The following VSIG10 variants were observed in gnomAD, a reference collection of about 807,000 sequenced individuals.
VSIG10 encodes the protein V-set and immunoglobulin domain containing 10, also known as V-set and immunoglobulin domain-containing protein 10.
Under a neutral mutation model 58.7 loss-of-function variants are expected in VSIG10, and 48 were observed. The ratio of observed to expected loss-of-function variants is 0.82; its 90% CI spans 0.65 to 1.04. VSIG10 has a LOEUF of 1.04. Among genes scored for constraint, VSIG10 ranks in the 50% least tolerant of loss-of-function variants. The probability of loss-of-function intolerance (pLI) is 0.00; values close to 1 mark genes in which losing one functional copy is unlikely to be tolerated. For synonymous variants in VSIG10, 260 were observed against 267.1 expected, an observed-to-expected ratio of 0.97 and a Z score of 0.26; for missense variants, 628 against 670.0, an observed-to-expected ratio of 0.94 and a Z score of 0.69.
At chr12:118,102,245 C>T (rs1354212405) in intron 1 of VSIG10, 1 of 152,206 alleles carries the variant, frequency 6.6e-6, no homozygotes, top group African/African-American at 2.4e-5. Context: ...TGGTGTTCAT[C>T]GTGCAGGAAA....
At chr12:118,068,698 TAATA>T in intron 7 of VSIG10, 101 bp from the exon 8 acceptor site, 1 of 1,361,724 alleles carries the variant, frequency 7.3e-7, no homozygotes, top group Admixed American at 2.9e-5. Context: ...ACCCCATTAG[TAATA>T]TGGAAAATTA....
chr12:118,069,191 G>C (rs1386706863), intron 7 of VSIG10, among the ~76,000 whole-genome samples: 2 of 152,032 alleles, frequency 1.3e-5, no homozygotes, highest in African/African-American at 2.4e-5. Context: ...CTGGGTGCAA[G>C]CAATTCTCCT....
rs529363304 is a variant in VSIG10, at chr12:118,091,058, C to T, written c.361+4475G>A. The stretch of plus-strand genomic sequence containing the variant: ...GCTGAGGCATGAGAATCACTTGAAC[C>T]CGGGAAGCAGAGGTTGCAGTGAGCC... On this transcript the variant is annotated intron_variant, in intron 2 of 8. Coordinates refer to ENST00000359236, the MANE Select transcript of VSIG10 (RefSeq NM_019086.6). Among the ~76,000 whole-genome samples the T allele has an allele frequency of 2.6e-5, 4 of 151,980 alleles. No homozygotes were observed. The East Asian group carries it at 7.7e-4, about 29-fold the overall frequency.
chr12:118,071,387 C>G lies in VSIG10; in HGVS notation c.1302G>C (p.Leu434Phe). 1 of 1,613,832 alleles carries G rather than the reference C, an allele frequency of 6.2e-7. No homozygotes were observed. Among genetic ancestry groups the G allele is most frequent in the Non-Finnish European group, 8.5e-7 (1 of 1,179,820 alleles). ...TCCAGCAGAACACAGGGCTATAATGCAACAGAAGCCCTGAGATAATGGCCA... is the reference window on the plus strand; with the variant it reads ...TCCAGCAGAACACAGGGCTATAATGGAACAGAAGCCCTGAGATAATGGCCA... ...LGLAIISGLL[L>F]HYSPVFCWKV... The change falls in exon 6 of 9, where the codon TTG becomes TTC. Residue 434 changes from leucine (L) to phenylalanine (F), a missense_variant. Transcript: ENST00000359236.
intron 2 of VSIG10, among the ~76,000 whole-genome samples, chr12:118,088,544 C>T (rs952558942): frequency 1.4e-4 from 22 of 152,126 alleles, no homozygotes; most frequent in African/African-American, 5.1e-4. Context: ...TCCGAAATAC[C>T]ACTGCCATCC....
chr12:118,094,936 ACT>A (rs2033404133), intron 2 of VSIG10, among the ~76,000 whole-genome samples: 1 of 103,598 alleles, frequency 9.7e-6, no homozygotes, highest in Non-Finnish European at 1.9e-5. Flanking sequence ...ACGGAGTCTC[ACT>A]CTGTTGCCAG....
At chr12:118,088,481 A>G (rs970813584) in intron 2 of VSIG10, among the ~76,000 whole-genome samples, 2 of 152,322 alleles carry the variant, frequency 1.3e-5, no homozygotes, top group African/African-American at 4.8e-5. Flanking sequence ...CCAAGGTCAC[A>G]CAGACAACAA....
At position 118,071,037 on chromosome 12, in the gene VSIG10, C is replaced by G. The variant is rs749800128; in HGVS notation, c.1346+15G>C. On this transcript the variant is annotated intron_variant, in intron 7 of 8. Coordinates refer to ENST00000359236, the MANE Select transcript of VSIG10 (RefSeq NM_019086.6). The stretch of plus-strand genomic sequence containing the variant: ...GCGGGAATGGGTGTTTGGTTTGATT[C>G]TAGGGAACACTCACCTGGAAGTGTT... 2 of 1,601,002 alleles carry G rather than the reference C, an allele frequency of 1.2e-6. No homozygotes were observed. The highest frequency in any genetic ancestry group is 3.5e-5 in the Admixed American group (2 of 57,906).
intron 2 of VSIG10, among the ~76,000 whole-genome samples, chr12:118,094,627 G>A (rs1422445241): frequency 6.6e-6 from 1 of 151,912 alleles, no homozygotes; most frequent in Non-Finnish European, 1.5e-5. Flanking sequence ...TGGGTGATCT[G>A]CCCACTTGAC....
At chr12:118,082,995 C>G (rs979277561) in intron 2 of VSIG10, among the ~76,000 whole-genome samples, 9 of 151,298 alleles carry the variant, frequency 5.9e-5, no homozygotes, top group Admixed American at 4.6e-4. Flanking sequence ...TGCCTGTAAT[C>G]CCAGCTACTA....
At chr12:118,091,259 G>A (rs1182062732) in intron 2 of VSIG10, among the ~76,000 whole-genome samples, 3 of 152,138 alleles carry the variant, frequency 2.0e-5, no homozygotes, top group African/African-American at 4.8e-5. Flanking sequence ...TTGGGAGGTC[G>A]AGGCAGGCGG....
At chr12:118,068,317 G>T in intron 8 of VSIG10, 60 bp downstream of exon 8, 2 of 1,564,316 alleles carry the variant, frequency 1.3e-6, no homozygotes, top group Non-Finnish European at 1.7e-6. Context: ...TTATAGGCGT[G>T]AGCCAACGCG....
chr12:118,103,926 C>A lies in VSIG10; in HGVS notation c.-255G>T. The stretch of plus-strand genomic sequence containing the variant: ...GAGGGAGGGCGCACCCCGCCCCCTG[C>A]GCCCGCCAGCCTACTCCTGCCGGCG... On this transcript the variant is annotated 5_prime_UTR_variant, in exon 1 of 9. Coordinates refer to ENST00000359236, the MANE Select transcript of VSIG10 (RefSeq NM_019086.6). 1 of 391,972 alleles carries A rather than the reference C, an allele frequency of 2.6e-6. No individual in the cohort carries two copies. The highest frequency in any genetic ancestry group is 6.7e-4 in the Middle Eastern group (1 of 1,500). The allele number at this position is 391,972 out of a possible 1,614,324, so 24.3% of individuals were successfully genotyped here.
At chr12:118,076,612 TAC>T (rs2032737497) in intron 4 of VSIG10, among the ~76,000 whole-genome samples, 1 of 151,670 alleles carries the variant, frequency 6.6e-6, no homozygotes, top group South Asian at 2.1e-4. Flanking sequence ...GTGCTGGGAT[TAC>T]AGTCATGAGC....
At chr12:118,082,805 CAT>C (rs1566167452) in intron 2 of VSIG10, among the ~76,000 whole-genome samples, 2 of 148,052 alleles carry the variant, frequency 1.4e-5, no homozygotes, top group Non-Finnish European at 3.0e-5. Flanking sequence ...AGTGAGACCC[CAT>C]TTCTACAAAA....
Position 118,064,249 on chromosome 12 carries a change from AT to A in VSIG10, c.*2389del, listed in dbSNP as rs2032172203. 1 of 152,182 alleles carries A rather than the reference AT, an allele frequency of 6.6e-6. No homozygotes were observed. Among genetic ancestry groups the A allele is most frequent in the South Asian group, 2.1e-4 (1 of 4,834 alleles). The allele number at this position is 152,182 out of a possible 1,614,324, so 9.4% of individuals were successfully genotyped here. A position where few individuals can be genotyped will look rare whatever the true frequency, so the allele number is the denominator to read the frequency against. ...ATTACTGTGCACACAGGACTCAGAT[AT>A]GTGACAGCAGTCACAGCTCAGCTGG... On this transcript the variant is annotated 3_prime_UTR_variant, in exon 9 of 9. Coordinates refer to ENST00000359236, the MANE Select transcript of VSIG10 (RefSeq NM_019086.6).
chr12:118,068,802 T>G (rs10850953), intron 7 of VSIG10, among the ~76,000 whole-genome samples: 37,740 of 152,044 alleles, frequency 0.25, 5,256 homozygotes, highest in East Asian at 0.52. Context: ...TGCTGGTTTA[T>G]TACTCCCCTG....
chr12:118,071,143 A>G (rs957845040), intron 6 of VSIG10, 76 bp from the exon 7 acceptor site: 2 of 1,503,978 alleles, frequency 1.3e-6, no homozygotes, highest in Middle Eastern at 1.7e-4. Context: ...TCAGGCAAAC[A>G]TTTACTAGAG....
rs951171558 is a variant in VSIG10 at position 118,082,129 on chromosome 12, T to C, written c.662A>G (p.Tyr221Cys). Residue 221 changes from tyrosine (Y) to cysteine (C), a missense_variant and splice_region_variant, in exon 3 of 9, where the codon TAC becomes TGC. Tyr to Cys is a radical substitution (Grantham distance 194). Transcript: ENST00000359236. ...HRKVTTELLVYYPPPSAPQCW... is the reference protein window; with the variant it reads ...HRKVTTELLVCYPPPSAPQCW... Reference sequence around the variant, plus strand: ...GCAGAGGAGTGCTGCTTACGCACAGTAGACCAGGAGCTCGGTGGTCACCTT... The same window carrying C: ...GCAGAGGAGTGCTGCTTACGCACAGCAGACCAGGAGCTCGGTGGTCACCTT... 3 of 1,613,268 alleles carry C rather than the reference T, an allele frequency of 1.9e-6. No homozygotes were observed. Among genetic ancestry groups the C allele is most frequent in the Non-Finnish European group, 2.5e-6 (3 of 1,179,494 alleles).
Sources: gnomAD v4.1 joint callset for allele counts (sites outside exome capture counted in the v4.1 genomes callset) on GRCh38, gnomAD v4.1.1 for gene constraint, MANE v1.5 for transcripts, NCBI Gene and HGNC (gene_info 2026-07-23, HGNC 2026-07-21) for gene names.